Variants in TMEM63A observed in about 807,000 individuals in gnomAD.
The protein encoded by TMEM63A is mechanosensitive cation channel TMEM63A.
Under a neutral mutation model 100.6 loss-of-function variants are expected in TMEM63A, and 76 were observed. That is an observed-to-expected ratio of 0.76 (90% CI 0.63 to 0.91). The LOEUF (loss-of-function observed/expected upper bound fraction) is 0.91, where lower values mean the gene tolerates loss of function less well. Ranked by LOEUF, TMEM63A falls within the 40% of genes least tolerant of loss-of-function variation. The pLI, the probability that TMEM63A is intolerant of heterozygous loss-of-function variation, is 0.00. For synonymous variants in TMEM63A, 401 were observed against 401.1 expected, an observed-to-expected ratio of 1.00 and a Z score of 0.00; for missense variants, 876 against 1,008.8, an observed-to-expected ratio of 0.87 and a Z score of 1.78.
intron 1 of TMEM63A, among the ~76,000 whole-genome samples, chr1:225,881,685 G>C (rs1471212005): frequency 2.0e-5 from 3 of 152,178 alleles, no homozygotes; most frequent in Non-Finnish European, 4.4e-5. Context: ...CCACCTGCCT[G>C]GGGCTGAATG....
chr1:225,866,547 C>T lies in TMEM63A; in HGVS notation c.675+27G>A, dbSNP rs781136060. 4 of 1,605,172 alleles carry T rather than the reference C, an allele frequency of 2.5e-6. No individual in the cohort carries two copies. In the African/African-American group the frequency reaches 4.0e-5, roughly 16 times the overall value. The stretch of plus-strand genomic sequence containing the variant: ...ACTCCCACCTGAGTCCCTCCCAGCA[C>T]ATGTCCCTAAGTCCCGCCTCACTCA... On this transcript the variant is annotated intron_variant, in intron 9 of 24. Transcript: ENST00000366835.
At chr1:225,874,217 C>A (rs1670661743) in intron 4 of TMEM63A, 71 bp downstream of exon 4, 1 of 1,431,016 alleles carries the variant, frequency 7.0e-7, no homozygotes, top group Non-Finnish European at 9.7e-7. Context: ...CGCACATATA[C>A]ACACTCACGC....
chr1:225,851,961 G>A (rs1055235296), intron 20 of TMEM63A, among the ~76,000 whole-genome samples: 10 of 152,260 alleles, frequency 6.6e-5, no homozygotes, highest in African/African-American at 2.2e-4. Context: ...TGTGAAGGGG[G>A]AATAGAAACA....
intron 1 of TMEM63A, among the ~76,000 whole-genome samples, chr1:225,881,028 G>A (rs1366322298): frequency 2.0e-5 from 3 of 152,222 alleles, no homozygotes; most frequent in African/African-American, 7.2e-5. Context: ...TCTGCCTCAG[G>A]AGCTAACTCT....
chr1:225,852,889 G>A, intron 19 of TMEM63A, 120 bp from the exon 20 acceptor site: 2 of 822,636 alleles, frequency 2.4e-6, no homozygotes, highest in Non-Finnish European at 4.0e-6. Flanking sequence ...GGAGATGCGT[G>A]GCTCCCCGCC....
rs1245451122 is a variant in TMEM63A at position 225,867,779 on chromosome 1, C to T, written c.514+109G>A. ...GAGTCACCCTGAGACCATCTTACAT[C>T]TGAAGTGGGGCATGACTCCTGGGGT... On this transcript the variant is annotated intron_variant, in intron 7 of 24. Coordinates refer to ENST00000366835, the MANE Select transcript of TMEM63A (RefSeq NM_014698.3). The surrounding 1 kb of genome is among the most constrained non-coding windows in gnomAD (Gnocchi z 4.6). 2 of 1,412,874 alleles carry T rather than the reference C, an allele frequency of 1.4e-6. No individual in the cohort carries two copies. The highest frequency in any genetic ancestry group is 1.9e-6 in the Non-Finnish European group (2 of 1,037,710). 87.5% of individuals were successfully genotyped at this position (1,412,874 alleles called of 1,614,324 possible).
chr1:225,878,577 C>T lies in TMEM63A; in HGVS notation c.-15+643G>A, dbSNP rs764715949. On this transcript the variant is annotated intron_variant, in intron 2 of 24. Coordinates refer to ENST00000366835, the MANE Select transcript of TMEM63A (RefSeq NM_014698.3). The stretch of plus-strand genomic sequence containing the variant: ...TGTCTGTCCCCTGACACCAGAGGAC[C>T]GGGAGTTAGTGTCCAAGTTCTCATG... Among the ~76,000 whole-genome samples the T allele has an allele frequency of 1.4e-3, 206 of 152,210 alleles. 1 individual carries two copies. The highest frequency in any genetic ancestry group is 3.4e-3 in the Middle Eastern group (1 of 294).
At chr1:225,842,450 A>T, downstream of TMEM63A, 1 of 1,613,724 alleles carries the variant, frequency 6.2e-7, no homozygotes. Context: ...GAATTCCGAT[A>T]CCTGGAGGAT....
intron 14 of TMEM63A, chr1:225,860,380 G>A (rs12079891): frequency 0.036 from 5,563 of 152,716 alleles, 308 homozygotes; most frequent in African/African-American, 0.13. Flanking sequence ...AGCTGCATGC[G>A]GCTACTGAGC....
chr1:225,875,746 C>A (rs360092), intron 3 of TMEM63A, among the ~76,000 whole-genome samples: 84,241 of 149,894 alleles, frequency 0.56, 24,499 homozygotes, highest in Middle Eastern at 0.65. Flanking sequence ...CCCCCTCCCC[C>A]ACCCCCAAAA....
chr1:225,852,829 G>A (rs1669418986), intron 19 of TMEM63A, 60 bp from the exon 20 acceptor site: 2 of 1,482,568 alleles, frequency 1.3e-6, no homozygotes, highest in Non-Finnish European at 1.9e-6. Context: ...ACCCTTTTGT[G>A]CTCTCTAAGT....
chr1:225,869,550 T>A (rs1670387536), intron 6 of TMEM63A, among the ~76,000 whole-genome samples: 1 of 152,120 alleles, frequency 6.6e-6, no homozygotes, highest in African/African-American at 2.4e-5. Context: ...CAGCCTCCTT[T>A]TACAGTTGGG....
rs779848348 is a variant in TMEM63A at position 225,862,245 on chromosome 1, G to C, written c.1058C>G (p.Thr353Ser). The change falls in exon 13 of 25, where the codon ACC (threonine) becomes AGC (serine). Residue 353 changes from threonine (T) to serine (S), a missense_variant. Coordinates refer to ENST00000366835, the MANE Select transcript of TMEM63A (RefSeq NM_014698.3). The surrounding 1 kb of genome is among the most constrained non-coding windows in gnomAD (Gnocchi z 5.1). The stretch of plus-strand genomic sequence containing the variant: ...GGTGGCCATGGACTTCTCCTGGAAG[G>C]TGACGAAGGCCATTCCCAGGGGCTG... ...QDQPLGMAFVTFQEKSMATYI... is the reference protein window; with the variant it reads ...QDQPLGMAFVSFQEKSMATYI... The C allele has an allele frequency of 6.2e-7, 1 of 1,614,124 alleles. No homozygotes were observed. Among genetic ancestry groups the C allele is most frequent in the African/African-American group, 1.3e-5 (1 of 75,032 alleles).
chr1:225,851,585 T>C (rs1669344339), intron 20 of TMEM63A, among the ~76,000 whole-genome samples: 1 of 152,080 alleles, frequency 6.6e-6, no homozygotes, highest in Non-Finnish European at 1.5e-5. Flanking sequence ...GGCCAGGTTG[T>C]TCTTGAACTT....
At chr1:225,875,382 T>TA (rs1670729916) in intron 3 of TMEM63A, among the ~76,000 whole-genome samples, 1 of 152,180 alleles carries the variant, frequency 6.6e-6, no homozygotes. Flanking sequence ...CTTCCCTCCC[T>TA]AGACAGGGTC....
Position 225,871,917 on chromosome 1 carries a change from C to G in TMEM63A, c.333+70G>C, listed in dbSNP as rs550358732. On this transcript the variant is annotated intron_variant, in intron 5 of 24. Coordinates refer to ENST00000366835, the MANE Select transcript of TMEM63A (RefSeq NM_014698.3). ...CTTGCCGCTCAAGATCCGCCCTGCT[C>G]CCTCCCCAAAACCATGACTGCCAGT... 3.2e-4 allele frequency: 383 copies of G among 1,214,008 alleles called. 2 individuals carry two copies. In the South Asian group the frequency reaches 4.7e-3, roughly 15 times the overall value. 75.2% of individuals were successfully genotyped at this position (1,214,008 alleles called of 1,614,324 possible).
At chr1:225,855,969 T>G (rs1403817762) in intron 17 of TMEM63A, 29 bp from the exon 18 acceptor site, 2 of 1,609,604 alleles carry the variant, frequency 1.2e-6, no homozygotes, top group Admixed American at 3.4e-5. Context: ...CCCTAAGAGT[T>G]TATTTCCAGC....
intron 20 of TMEM63A, among the ~76,000 whole-genome samples, chr1:225,850,536 G>C (rs1465148009): frequency 6.6e-6 from 1 of 152,128 alleles, no homozygotes; most frequent in African/African-American, 2.4e-5. Flanking sequence ...GTGCATGATT[G>C]CTCGCTATTC....
rs866052233 is a variant in TMEM63A at position 225,857,387 on chromosome 1, G to A, written c.1378-370C>T. Among the ~76,000 whole-genome samples, 21 of 118,508 alleles carry A rather than the reference G, an allele frequency of 1.8e-4. 1 individual carries two copies. The highest frequency in any genetic ancestry group is 2.4e-4 in the Non-Finnish European group (14 of 58,514). The allele number at this position is 118,508 out of a possible 152,430, so 77.7% of individuals were successfully genotyped here. On this transcript the variant is annotated intron_variant, in intron 15 of 24. Coordinates refer to ENST00000366835, the MANE Select transcript of TMEM63A (RefSeq NM_014698.3). The stretch of plus-strand genomic sequence containing the variant: ...CCTGGAGTCCTGGCCGGCGGGGCGG[G>A]GGGGGGGGGGTGCCCTGCCTGCTCA...
Sources: gnomAD v4.1 joint callset for allele counts (sites outside exome capture counted in the v4.1 genomes callset) on GRCh38, gnomAD v4.1.1 for gene constraint, Gnocchi (gnomAD v3.1) non-coding constraint, MANE v1.5 for transcripts, NCBI Gene and HGNC (gene_info 2026-07-23, HGNC 2026-07-21) for gene names.